The following TP53BP2 variants were observed in gnomAD, a reference collection of about 807,000 sequenced individuals.
TP53BP2 encodes the protein tumor protein p53 binding protein 2, also known as apoptosis-stimulating of p53 protein 2.
A neutral mutation model predicts 126.2 loss-of-function variants in TP53BP2; 62 were observed. The ratio of observed to expected loss-of-function variants is 0.49; its 90% CI spans 0.40 to 0.61. The LOEUF (loss-of-function observed/expected upper bound fraction) is 0.61, where lower values mean the gene tolerates loss of function less well. Among genes scored for constraint, TP53BP2 ranks in the 20% least tolerant of loss-of-function variants. The pLI is 0.00. For synonymous variants in TP53BP2, 485 were observed against 502.9 expected (o/e 0.96, Z 0.48); for missense variants, 1,215 against 1,402.8 (o/e 0.87, Z 2.14).
chr1:223,825,149 C>T (rs1199203865), intron 1 of TP53BP2, among the ~76,000 whole-genome samples: 1 of 152,070 alleles, frequency 6.6e-6, no homozygotes, highest in Non-Finnish European at 1.5e-5. Flanking sequence ...ATCTGCCTTT[C>T]CTACTAGAAA....
intron 16 of TP53BP2, 34 bp downstream of exon 16, chr1:223,788,974 G>A (rs1662062169): frequency 1.3e-6 from 2 of 1,593,374 alleles, no homozygotes; most frequent in African/African-American, 1.3e-5. Flanking sequence ...AATGAATGCA[G>A]TAATCAATAC....
chr1:223,792,161 C>G (rs1376148710), intron 15 of TP53BP2, among the ~76,000 whole-genome samples: 5 of 152,166 alleles, frequency 3.3e-5, no homozygotes, highest in Admixed American at 2.0e-4. Flanking sequence ...TTATCATTAA[C>G]TACTAAACTT....
intron 17 of TP53BP2, among the ~76,000 whole-genome samples, chr1:223,781,650 T>C (rs529800616): frequency 6.6e-6 from 1 of 152,120 alleles, no homozygotes; most frequent in East Asian, 1.9e-4. Flanking sequence ...AAATAATAAA[T>C]AATTTTAAAA....
At chr1:223,845,543 G>A in intron 1 of TP53BP2, 111 bp downstream of exon 1, 1 of 1,205,874 alleles carries the variant, frequency 8.3e-7, no homozygotes, top group Non-Finnish European at 1.1e-6. Context: ...CCCTCCGCGC[G>A]GGCTGCGGCC....
In TP53BP2 at chr1:223,845,691, G is replaced by A; in HGVS notation, c.-11C>T. On this transcript the variant is annotated 5_prime_UTR_variant, in exon 1 of 18. Transcript: ENST00000343537. ...GGACCCGAACCGCATGGAAGCGGGTGGCCAGACTGCGGCCCCGGCCGAGCT... is the reference window on the plus strand; with the variant it reads ...GGACCCGAACCGCATGGAAGCGGGTAGCCAGACTGCGGCCCCGGCCGAGCT... The A allele has an allele frequency of 1.3e-6, 2 of 1,544,118 alleles. No homozygotes were observed. Among genetic ancestry groups the A allele is most frequent in the Admixed American group, 1.9e-5 (1 of 52,836 alleles).
intron 2 of TP53BP2, among the ~76,000 whole-genome samples, chr1:223,819,862 G>A (rs1663239600): frequency 6.6e-6 from 1 of 152,184 alleles, no homozygotes; most frequent in Non-Finnish European, 1.5e-5. Context: ...CACTCCCCTT[G>A]AGCTGGGGAT....
Position 223,798,406 on chromosome 1 carries a change from G to T in TP53BP2, c.1757C>A (p.Ala586Asp). The change falls in exon 12 of 18, where the codon GCT (alanine) becomes GAT (aspartate). Residue 586 changes from alanine to aspartate, a missense_variant. Physicochemically the swap from Ala to Asp is moderately radical, Grantham distance 126. Coordinates refer to ENST00000343537, the MANE Select transcript of TP53BP2 (RefSeq NM_001031685.3). ...PGSKQESPPA[A>D]AVRPFTPQPS... ...CTGGGGAGTAAAGGGCCGGACGGCA[G>T]CAGCAGGTGGACTTTCTTGCTTAGA... is the stretch of plus-strand genomic sequence containing the variant. 1.9e-6 allele frequency: 3 copies of T among 1,614,214 alleles called. No homozygotes were observed. The highest frequency in any genetic ancestry group is 1.7e-6 in the Non-Finnish European group (2 of 1,180,046).
chr1:223,806,361 A>C (rs973870314), intron 5 of TP53BP2, among the ~76,000 whole-genome samples: 2 of 152,170 alleles, frequency 1.3e-5, no homozygotes, highest in Admixed American at 1.3e-4. Flanking sequence ...GATTTCTACA[A>C]AATGCTATAG....
At chr1:223,845,622 G>C in intron 1 of TP53BP2, 32 bp downstream of exon 1, 1 of 1,542,592 alleles carries the variant, frequency 6.5e-7, no homozygotes, top group Non-Finnish European at 8.7e-7. Flanking sequence ...GCACACTTCC[G>C]GGCCCGACGC....
At chr1:223,821,117 T>G in intron 2 of TP53BP2, 103 bp downstream of exon 2, 1 of 1,458,864 alleles carries the variant, frequency 6.9e-7, no homozygotes, top group Admixed American at 1.9e-5. Flanking sequence ...TATTCTCCAG[T>G]TTCTCCCCGG....
rs746551399 is a variant in TP53BP2 at position 223,800,066 on chromosome 1, C to A, written c.1337-19G>T. 3 of 1,589,640 alleles carry A rather than the reference C, an allele frequency of 1.9e-6. No individual in the cohort carries two copies. In the South Asian group the frequency reaches 3.5e-5, roughly 18 times the overall value. ...TCATCAACTAAAGACAAAAAAATCA[C>A]AATGACATTCAAACTGTTTAGAATA... On this transcript the variant is annotated intron_variant, in intron 10 of 17. Coordinates refer to ENST00000343537, the MANE Select transcript of TP53BP2 (RefSeq NM_001031685.3).
intron 14 of TP53BP2, among the ~76,000 whole-genome samples, chr1:223,792,824 A>G (rs1408068345): frequency 6.6e-6 from 1 of 151,874 alleles, no homozygotes; most frequent in Non-Finnish European, 1.5e-5. Context: ...TCTCACCACA[A>G]ATTAGTTTCT....
chr1:223,782,552 G>A (rs564408717), intron 17 of TP53BP2, among the ~76,000 whole-genome samples: 5 of 152,074 alleles, frequency 3.3e-5, no homozygotes, highest in Non-Finnish European at 4.4e-5. Context: ...GCACGATCTC[G>A]GCTCACCACA....
At chr1:223,817,088 A>G (rs542279840) in intron 2 of TP53BP2, among the ~76,000 whole-genome samples, 98 of 151,598 alleles carry the variant, frequency 6.5e-4, no homozygotes, top group African/African-American at 2.3e-3. Context: ...TGAGCCTAGA[A>G]GGTCAAGGCT....
Position 223,804,126 on chromosome 1 carries a change from C to A in TP53BP2, c.649+48G>T, listed in dbSNP as rs557652462. 11 of 1,566,830 alleles carry A rather than the reference C, an allele frequency of 7.0e-6. No homozygotes were observed. The East Asian group carries it at 9.0e-5, about 13-fold the overall frequency. On this transcript the variant is annotated intron_variant, in intron 6 of 17. Coordinates refer to ENST00000343537, the MANE Select transcript of TP53BP2 (RefSeq NM_001031685.3). ...ACAGTAAGACCCTGTCTCAAAAAAA[C>A]CAGACAAATAAATGTATAAAAAAGT...
chr1:223,795,802 G>A lies in TP53BP2; in HGVS notation c.2724+13C>T. ...GGACTCCGGAAAAGGCTATGAGATA[G>A]TACATTACTTACAGGAGGCAGAGAG... On this transcript the variant is annotated intron_variant, in intron 13 of 17. Coordinates refer to ENST00000343537, the MANE Select transcript of TP53BP2 (RefSeq NM_001031685.3). 3 of 1,514,378 alleles carry A rather than the reference G, an allele frequency of 2.0e-6. No homozygotes were observed. Among genetic ancestry groups the A allele is most frequent in the East Asian group, 2.3e-5 (1 of 43,948 alleles). The allele number at this position is 1,514,378 out of a possible 1,614,324, so 93.8% of individuals were successfully genotyped here.
intron 1 of TP53BP2, among the ~76,000 whole-genome samples, chr1:223,827,824 G>A (rs2102879684): frequency 6.6e-6 from 1 of 152,054 alleles, no homozygotes; most frequent in East Asian, 1.9e-4. Flanking sequence ...AATCAAAAGA[G>A]AGGCTGGTTT....
In TP53BP2 at chr1:223,810,417, A is replaced by T; in HGVS notation, c.372+14T>A. 6.3e-7 allele frequency: 1 copy of T among 1,595,034 alleles called. No homozygotes were observed. Among genetic ancestry groups the T allele is most frequent in the South Asian group, 1.1e-5 (1 of 88,136 alleles). On this transcript the variant is annotated intron_variant, in intron 4 of 17. Coordinates refer to ENST00000343537, the MANE Select transcript of TP53BP2 (RefSeq NM_001031685.3). The stretch of plus-strand genomic sequence containing the variant: ...ACTGTGGTATATACAGTATGGATAA[A>T]AACAACAACTTACACCGTTCTCCTT...
At chr1:223,803,850 A>T (rs7530328) in intron 6 of TP53BP2, among the ~76,000 whole-genome samples, 17,462 of 152,272 alleles carry the variant, frequency 0.11, 1,231 homozygotes, top group African/African-American at 0.2. Flanking sequence ...CAGTCAAAAA[A>T]TATTAAGGGG....
Sources: gnomAD v4.1 joint callset for allele counts (sites outside exome capture counted in the v4.1 genomes callset) on GRCh38, gnomAD v4.1.1 for gene constraint, MANE v1.5 for transcripts, NCBI Gene and HGNC (gene_info 2026-07-23, HGNC 2026-07-21) for gene names.